PTPRD: variants seen among roughly 807,000 people sequenced by gnomAD.
PTPRD encodes the protein protein tyrosine phosphatase receptor type D.
A neutral mutation model predicts 214.5 loss-of-function variants in PTPRD; 34 were observed. That is an observed-to-expected ratio of 0.16 (90% CI 0.12 to 0.21). The LOEUF (loss-of-function observed/expected upper bound fraction) is 0.21. Among genes scored for constraint, PTPRD ranks in the 10% least tolerant of loss-of-function variants. PTPRD has a pLI of 1.00. For missense variants in PTPRD, 2,545 were observed against 2,398.7 expected, an observed-to-expected ratio of 1.06 and a Z score of -1.27; for synonymous variants, 1,128 against 845.7, an observed-to-expected ratio of 1.33 and a Z score of -5.79.
intron 9 of PTPRD, among the ~76,000 whole-genome samples, chr9:9,384,731 A>G (rs1330872969): frequency 6.6e-6 from 1 of 152,008 alleles, no homozygotes; most frequent in Admixed American, 6.6e-5. Flanking sequence ...ATATTATTAT[A>G]CAGACTTTCT....
At chr9:8,922,660 G>C (rs1011721737) in intron 11 of PTPRD, among the ~76,000 whole-genome samples, 3 of 152,024 alleles carry the variant, frequency 2.0e-5, no homozygotes, top group Admixed American at 2.0e-4. Flanking sequence ...TTGAGACAGA[G>C]TCTCGCTCTG....
At chr9:9,533,483 T>C (rs915032184) in intron 8 of PTPRD, among the ~76,000 whole-genome samples, 4 of 152,092 alleles carry the variant, frequency 2.6e-5, no homozygotes, top group African/African-American at 9.7e-5. Flanking sequence ...TTATTTTTGT[T>C]TTCTTTTGGG....
In PTPRD at chr9:8,599,613, CTTTTTTTTTTTTT is replaced by C. The variant is rs1172437057; in HGVS notation, c.352+33691_352+33703del. Among the ~76,000 whole-genome samples the C allele has an allele frequency of 9.4e-5, 5 of 53,442 alleles. 1 individual carries two copies. The highest frequency in any genetic ancestry group is 0.027 in the Middle Eastern group (2 of 74). 35.1% of individuals were successfully genotyped at this position (53,442 alleles called of 152,430 possible). A position where few individuals can be genotyped will look rare whatever the true frequency, so the allele number is the denominator to read the frequency against. On this transcript the variant is annotated intron_variant, in intron 14 of 45. Transcript: ENST00000381196. ...TGGCCCTTTCCCCCACCCGCCCACC[CTTTTTTTTTTTTT>C]TTTTTTTTTTTTTTGAAACGGAGTT...
At chr9:9,815,245 G>A (rs1011918076) in intron 5 of PTPRD, among the ~76,000 whole-genome samples, 2 of 152,102 alleles carry the variant, frequency 1.3e-5, no homozygotes, top group African/African-American at 2.4e-5. Context: ...TTTGATGAGA[G>A]TGCCAAGGAT....
intron 12 of PTPRD, chr9:8,713,666 C>T (rs2098395043): frequency 1.3e-6 from 2 of 1,508,094 alleles, no homozygotes; most frequent in African/African-American, 2.7e-5. Context: ...CGGCACCGCG[C>T]CCGGGCCCAC....
intron 11 of PTPRD, chr9:8,861,338 T>G (rs2098100841): frequency 6.6e-6 from 1 of 152,210 alleles, no homozygotes; most frequent in Non-Finnish European, 1.5e-5. Context: ...CTTATGTGGG[T>G]TGCGAATCTA....
At chr9:8,713,257 A>T (rs2098382887) in intron 12 of PTPRD, 2 of 645,460 alleles carry the variant, frequency 3.1e-6, no homozygotes. Flanking sequence ...TTGTCCACTT[A>T]AAATCTTTAT....
intron 14 of PTPRD, among the ~76,000 whole-genome samples, chr9:8,569,188 C>A (rs2090363670): frequency 6.6e-6 from 1 of 152,128 alleles, no homozygotes; most frequent in Non-Finnish European, 1.5e-5. Context: ...GGGTACAACT[C>A]CTCCCACCCC....
chr9:10,049,888 G>T (rs1201697069), intron 3 of PTPRD, among the ~76,000 whole-genome samples: 1 of 152,148 alleles, frequency 6.6e-6, no homozygotes, highest in African/African-American at 2.4e-5. Flanking sequence ...AGTTAGTCAA[G>T]TTTCATTGTA....
At chr9:10,608,759 G>T (rs1234578887) in intron 2 of PTPRD, among the ~76,000 whole-genome samples, 2 of 152,068 alleles carry the variant, frequency 1.3e-5, no homozygotes, top group Non-Finnish European at 2.9e-5. Flanking sequence ...CTCCTAACGG[G>T]TAATGTTCAT....
chr9:10,222,535 G>T (rs915680332), intron 3 of PTPRD, among the ~76,000 whole-genome samples: 1 of 152,030 alleles, frequency 6.6e-6, no homozygotes, highest in African/African-American at 2.4e-5. Context: ...GTGGACATTT[G>T]AAAACATCTT....
At chr9:8,496,221 C>G (rs931449664) in intron 26 of PTPRD, among the ~76,000 whole-genome samples, 3 of 151,014 alleles carry the variant, frequency 2.0e-5, no homozygotes, top group Non-Finnish European at 4.4e-5. Context: ...AACACACACA[C>G]ACACACACAC....
At chr9:8,453,829 G>A (rs536818834) in intron 33 of PTPRD, among the ~76,000 whole-genome samples, 96 of 152,282 alleles carry the variant, frequency 6.3e-4, no homozygotes, top group South Asian at 1.0e-3. Flanking sequence ...TGGTGCTGAC[G>A]CTATGGCTGC....
At chr9:9,831,865 C>A (rs2054966734) in intron 5 of PTPRD, among the ~76,000 whole-genome samples, 1 of 151,924 alleles carries the variant, frequency 6.6e-6, no homozygotes. Context: ...TTTCTATATT[C>A]TTTATGCTAA....
At chr9:8,613,585 A>G (rs1261533694) in intron 14 of PTPRD, among the ~76,000 whole-genome samples, 1 of 152,086 alleles carries the variant, frequency 6.6e-6, no homozygotes, top group African/African-American at 2.4e-5. Context: ...CTGCCTCTCT[A>G]GCACCCCCAG....
intron 10 of PTPRD, among the ~76,000 whole-genome samples, chr9:9,137,448 G>C (rs184840076): frequency 2.0e-3 from 303 of 152,140 alleles, no homozygotes; most frequent in Middle Eastern, 6.8e-3. Flanking sequence ...GCTTTATTTT[G>C]TCCTCAGTTT....
rs192707669 is a variant in PTPRD at position 8,418,059 on chromosome 9, C to T, written c.4087-13399G>A. On this transcript the variant is annotated intron_variant, in intron 35 of 45. Coordinates refer to ENST00000381196, the MANE Select transcript of PTPRD (RefSeq NM_002839.4). ...TTGCCATGTTGTGGTGCTCAGGGTA[C>T]ATACCAACTCAATATAAATATTGGA... is the stretch of plus-strand genomic sequence containing the variant. Among the ~76,000 whole-genome samples the T allele has an allele frequency of 3.1e-4, 47 of 152,232 alleles. No individual in the cohort carries two copies. The East Asian group carries it at 7.3e-3, about 24-fold the overall frequency.
Position 8,359,383 on chromosome 9 carries a change from G to C in PTPRD, c.4661+16553C>G, listed in dbSNP as rs1410866935. Among the ~76,000 whole-genome samples, 5 of 151,670 alleles carry C rather than the reference G, an allele frequency of 3.3e-5. No homozygotes were observed. The South Asian group carries it at 6.3e-4, about 19-fold the overall frequency. On this transcript the variant is annotated intron_variant, in intron 39 of 45. Coordinates refer to ENST00000381196, the MANE Select transcript of PTPRD (RefSeq NM_002839.4). The stretch of plus-strand genomic sequence containing the variant: ...TCTGTTGCCCAGGCTGGAGTGCAGT[G>C]GTACAATCTCAGCTCACTGCAACTT...
intron 2 of PTPRD, among the ~76,000 whole-genome samples, chr9:10,495,401 C>G (rs1237891197): frequency 6.6e-6 from 1 of 151,834 alleles, no homozygotes; most frequent in Non-Finnish European, 1.5e-5. Flanking sequence ...AGAGAGGAAT[C>G]TGGGCTTCCA....
Sources: gnomAD v4.1 joint callset for allele counts (sites outside exome capture counted in the v4.1 genomes callset) on GRCh38, gnomAD v4.1.1 for gene constraint, MANE v1.5 for transcripts, NCBI Gene and HGNC (gene_info 2026-07-23, HGNC 2026-07-21) for gene names.